SGCZ: variants seen among roughly 807,000 people sequenced by gnomAD.
SGCZ encodes the protein sarcoglycan zeta.
Under a neutral mutation model 41.3 loss-of-function variants are expected in SGCZ, and 40 were observed. The observed-to-expected ratio is 0.97, with a 90% CI of 0.75 to 1.26. The LOEUF (loss-of-function observed/expected upper bound fraction) is 1.26. Ranked by LOEUF, SGCZ falls within the 50% of genes most tolerant of loss-of-function variation. The pLI is 0.00. For missense variants in SGCZ, 552 were observed against 369.8 expected (o/e 1.49, Z -4.04); for synonymous variants, 206 against 137.5 (o/e 1.50, Z -3.49).
intron 3 of SGCZ, among the ~76,000 whole-genome samples, chr8:14,240,101 AG>A (rs1798816973): frequency 6.6e-6 from 1 of 151,652 alleles, no homozygotes; most frequent in African/African-American, 2.4e-5. Context: ...CTGAGGTGGG[AG>A]GATCACCTGA....
intron 1 of SGCZ, among the ~76,000 whole-genome samples, chr8:14,613,059 G>C (rs1353420761): frequency 1.3e-5 from 2 of 152,180 alleles, no homozygotes; most frequent in Admixed American, 6.5e-5. Context: ...GGATAGGAGA[G>C]CACAAGAGGG....
chr8:14,856,974 G>T, intron 1 of SGCZ, among the ~76,000 whole-genome samples: 1 of 152,114 alleles, frequency 6.6e-6, no homozygotes. Flanking sequence ...ATCTGAAGTG[G>T]AATGGTAACC....
rs543535126 is a variant in SGCZ, at chr8:14,117,475, T to G, written c.548-9240A>C. 4.0e-5 allele frequency among the ~76,000 whole-genome samples: 6 copies of G among 149,550 alleles called. No homozygotes were observed. In the East Asian group the frequency reaches 9.9e-4, roughly 25 times the overall value. The stretch of plus-strand genomic sequence containing the variant: ...AGTATAGCATCTCACTGGGGAGTAC[T>G]TGACCCGTGTGTGTGTGTGTGTATG... On this transcript the variant is annotated intron_variant, in intron 5 of 7. Coordinates refer to ENST00000382080, the MANE Select transcript of SGCZ (RefSeq NM_139167.4).
At chr8:14,515,720 A>C (rs1405236256) in intron 2 of SGCZ, among the ~76,000 whole-genome samples, 2 of 152,122 alleles carry the variant, frequency 1.3e-5, no homozygotes, top group African/African-American at 2.4e-5. Flanking sequence ...AAAGTTGTCC[A>C]TTGAAATTCA....
At chr8:15,064,353 C>G (rs1227302723) in intron 1 of SGCZ, among the ~76,000 whole-genome samples, 17 of 152,120 alleles carry the variant, frequency 1.1e-4, no homozygotes, top group Admixed American at 1.1e-3. Context: ...TACAATTTAT[C>G]TACTCTAACA....
At chr8:15,150,548 G>A (rs548867045) in intron 1 of SGCZ, among the ~76,000 whole-genome samples, 1 of 152,266 alleles carries the variant, frequency 6.6e-6, no homozygotes, top group South Asian at 2.1e-4. Flanking sequence ...AGGTTTGATT[G>A]TGTTAATGAG....
intron 4 of SGCZ, among the ~76,000 whole-genome samples, chr8:14,178,612 G>T (rs1315206617): frequency 6.6e-6 from 1 of 152,188 alleles, no homozygotes; most frequent in East Asian, 1.9e-4. Flanking sequence ...GAGAACAGCT[G>T]AATTTTCTGA....
At chr8:14,561,320 G>C (rs555972327) in intron 1 of SGCZ, among the ~76,000 whole-genome samples, 3 of 152,028 alleles carry the variant, frequency 2.0e-5, no homozygotes, top group Admixed American at 6.6e-5. Context: ...CATTCTAATG[G>C]AATCTACCAA....
At chr8:14,892,024 C>T (rs757346331) in intron 1 of SGCZ, among the ~76,000 whole-genome samples, 7 of 152,298 alleles carry the variant, frequency 4.6e-5, no homozygotes, top group East Asian at 1.9e-4. Flanking sequence ...CCAACAAATT[C>T]GGGTGACTTG....
In SGCZ at chr8:14,291,297, T is replaced by C. The variant is rs78681588; in HGVS notation, c.336+32806A>G. 9.2e-5 allele frequency among the ~76,000 whole-genome samples: 14 copies of C among 151,822 alleles called. No homozygotes were observed. In the East Asian group the frequency reaches 2.7e-3, roughly 30 times the overall value. The stretch of plus-strand genomic sequence containing the variant: ...CATTTCAAAATAGCTAGAAGAGGGG[T>C]TTTTAATATTCTTACTGCAAAGAAA... On this transcript the variant is annotated intron_variant, in intron 3 of 7. Transcript: ENST00000382080.
chr8:14,198,483 T>G (rs10113003), intron 4 of SGCZ, among the ~76,000 whole-genome samples: 2 of 151,876 alleles, frequency 1.3e-5, no homozygotes, highest in Non-Finnish European at 2.9e-5. Flanking sequence ...AAACTACCTA[T>G]TGAATAGTAT....
At chr8:14,383,188 A>G (rs1360638235) in intron 2 of SGCZ, among the ~76,000 whole-genome samples, 1 of 152,228 alleles carries the variant, frequency 6.6e-6, no homozygotes, top group Non-Finnish European at 1.5e-5. Context: ...CCTGTTCTAT[A>G]TGAACCATTT....
At chr8:15,024,614 A>G (rs1179881872) in intron 1 of SGCZ, among the ~76,000 whole-genome samples, 1 of 152,150 alleles carries the variant, frequency 6.6e-6, no homozygotes, top group African/African-American at 2.4e-5. Context: ...GGCCCAGGTT[A>G]CCCTCGTTAG....
rs570226651 is a variant in SGCZ, at chr8:14,424,957, T to A, written c.235-100753A>T. 2.0e-5 allele frequency among the ~76,000 whole-genome samples: 3 copies of A among 152,330 alleles called. No homozygotes were observed. In the East Asian group the frequency reaches 5.8e-4, roughly 29 times the overall value. ...AAATACAATATGTTTCCAAAATATTTATCAGGGTAATTGAGAAAAATACGT... is the reference window on the plus strand; with the variant it reads ...AAATACAATATGTTTCCAAAATATTAATCAGGGTAATTGAGAAAAATACGT... On this transcript the variant is annotated intron_variant, in intron 2 of 7. Coordinates refer to ENST00000382080, the MANE Select transcript of SGCZ (RefSeq NM_139167.4).
intron 1 of SGCZ, among the ~76,000 whole-genome samples, chr8:14,779,405 G>C (rs1257938706): frequency 6.6e-6 from 1 of 152,054 alleles, no homozygotes; most frequent in Non-Finnish European, 1.5e-5. Flanking sequence ...CCCTTTGAAA[G>C]TGCATCCACC....
chr8:14,179,909 G>A (rs993053113), intron 4 of SGCZ, among the ~76,000 whole-genome samples: 1 of 152,152 alleles, frequency 6.6e-6, no homozygotes, highest in Non-Finnish European at 1.5e-5. Context: ...GACACATATA[G>A]AGCAAGAGGT....
chr8:15,146,152 G>T (rs1466556797), intron 1 of SGCZ, among the ~76,000 whole-genome samples: 11 of 151,456 alleles, frequency 7.3e-5, no homozygotes, highest in Non-Finnish European at 7.4e-5. Flanking sequence ...GAAAAAAATT[G>T]AAATAAATAG....
chr8:14,462,124 T>C (rs1157555109), intron 2 of SGCZ, among the ~76,000 whole-genome samples: 2 of 152,076 alleles, frequency 1.3e-5, no homozygotes, highest in East Asian at 3.9e-4. Context: ...CTCATAGACA[T>C]GTTTTAAATA....
At chr8:15,208,510 C>CA (rs1801139635) in intron 1 of SGCZ, among the ~76,000 whole-genome samples, 1 of 152,002 alleles carries the variant, frequency 6.6e-6, no homozygotes, top group South Asian at 2.1e-4. Flanking sequence ...CACAGTATTA[C>CA]AAAAATAGTG....
Sources: allele counts gnomAD v4.1 joint callset (sites outside exome capture counted in the v4.1 genomes callset), GRCh38; gene constraint gnomAD v4.1.1; transcripts MANE v1.5; gene names NCBI Gene and HGNC (gene_info 2026-07-23, HGNC 2026-07-21).